The following FHL1 variants were observed in gnomAD, a reference collection of about 807,000 sequenced individuals.
The protein encoded by FHL1 is four and a half LIM domains 1.
Under a neutral mutation model 20.3 loss-of-function variants are expected in FHL1, and 1 was observed. That is an observed-to-expected ratio of 0.05 (90% CI 0.02 to 0.23). The LOEUF is 0.23. FHL1 is among the 10% of genes least tolerant of loss of function. The pLI is 1.00. For synonymous variants in FHL1, 82 were observed against 88.9 expected (o/e 0.92, Z 0.44); for missense variants, 177 against 234.0 (o/e 0.76, Z 1.59).
At chrX:136,192,693 C>T (rs2073456262), upstream of FHL1, among the ~76,000 whole-genome samples, 1 of 111,932 alleles carries the variant, frequency 8.9e-6, no homozygotes, top group Admixed American at 9.5e-5. Context: ...CCAAATCCCC[C>T]CTCTTGGGGT....
At chrX:136,164,262 A>G (rs2072651824) in intron 1 of FHL1, among the ~76,000 whole-genome samples, 1 of 106,892 alleles carries the variant, frequency 9.4e-6, no homozygotes, top group African/African-American at 3.4e-5. Context: ...GTTGGAGTAC[A>G]GTGGTGCAAT....
At chrX:136,149,154 C>G (rs772114141) in intron 1 of FHL1, among the ~76,000 whole-genome samples, 38 of 112,187 alleles carry the variant, frequency 3.4e-4, no homozygotes, top group African/African-American at 1.2e-3. Context: ...GTGTTCCTTG[C>G]AAATGTGAAC....
intron 2 of FHL1, among the ~76,000 whole-genome samples, chrX:136,176,767 A>G (rs2073013406): frequency 9.0e-6 from 1 of 111,416 alleles, no homozygotes; most frequent in Non-Finnish European, 1.9e-5. Flanking sequence ...CCTTGTCTCT[A>G]TGGTGACTAA....
At chrX:136,164,271 A>G (rs1311087416) in intron 1 of FHL1, among the ~76,000 whole-genome samples, 5 of 107,805 alleles carry the variant, frequency 4.6e-5, no homozygotes, top group African/African-American at 1.0e-4. Context: ...CAGTGGTGCA[A>G]TCTCGGCTCA....
rs1330706255 is a variant in FHL1 at position 136,210,117 on chromosome X, G to A, written c.*92G>A. 2 of 1,101,856 alleles carry A rather than the reference G, an allele frequency of 1.8e-6. No individual in the cohort carries two copies. Among genetic ancestry groups the A allele is most frequent in the South Asian group, 1.8e-5 (1 of 54,272 alleles). The allele number at this position is 1,101,856 out of a possible 1,213,427, so 90.8% of individuals were successfully genotyped here. On this transcript the variant is annotated 3_prime_UTR_variant, in exon 6 of 6. Coordinates refer to ENST00000370683, the MANE Select transcript of FHL1 (RefSeq NM_001159699.2). The stretch of plus-strand genomic sequence containing the variant: ...CCTATACCATCAATAGGGGAAGAGT[G>A]GTCCTTCCCTTCTTTAAAGTTCTCC...
In FHL1 at chrX:136,207,802, C is replaced by T. The variant is rs890333432; in HGVS notation, c.390C>T (p.Asn130=). 11 of 1,209,997 alleles carry T rather than the reference C, an allele frequency of 9.1e-6. No individual in the cohort carries two copies. Among genetic ancestry groups the T allele is most frequent in the South Asian group, 3.5e-5 (2 of 56,811 alleles). The change falls in exon 4 of 6, where the codon AAC becomes AAT. Residue 130 remains asparagine, a synonymous_variant. Coordinates refer to ENST00000370683, the MANE Select transcript of FHL1 (RefSeq NM_001159699.2). ...CFKAIVAGDQ[N]VEYKGTVWHK... ...TGCTTCCCTCTGCAGGAGATCAAAACGTGGAGTACAAGGGGACCGTCTGGC... is the reference window on the plus strand; with the variant it reads ...TGCTTCCCTCTGCAGGAGATCAAAATGTGGAGTACAAGGGGACCGTCTGGC...
chrX:136,183,358 G>T (rs1273355901), intron 2 of FHL1, among the ~76,000 whole-genome samples: 1 of 111,401 alleles, frequency 9.0e-6, no homozygotes, highest in Non-Finnish European at 1.9e-5. Context: ...GGTCTTGGAA[G>T]AAACCATTAG....
At chrX:136,177,136 CA>C (rs1386495003) in intron 2 of FHL1, among the ~76,000 whole-genome samples, 2 of 111,228 alleles carry the variant, frequency 1.8e-5, no homozygotes, top group Non-Finnish European at 3.8e-5. Flanking sequence ...AACCTTTTGT[CA>C]GAATACCAAA....
intron 1 of FHL1, chrX:136,206,188 C>T (rs1603270245): frequency 1.5e-5 from 7 of 462,870 alleles, no homozygotes; most frequent in Admixed American, 3.3e-5. Context: ...CACTAGCCAT[C>T]GGCCATCTGG....
At position 136,211,070 on chromosome X, in the gene FHL1, A is replaced by G. The variant is rs1375868198; in HGVS notation, c.*1045A>G. 2.1e-5 allele frequency: 8 copies of G among 375,021 alleles called. No homozygotes were observed. In the Admixed American group the frequency reaches 2.4e-4, roughly 11 times the overall value. The allele number at this position is 375,021 out of a possible 1,213,427, so 30.9% of individuals were successfully genotyped here. On this transcript the variant is annotated 3_prime_UTR_variant, in exon 6 of 6. Transcript: ENST00000370683. ...TTGTCCATGTGTTAATGAGGACTGC[A>G]AAGTCCCTTCTGTTGTGATTCCTAG...
intron 2 of FHL1, among the ~76,000 whole-genome samples, chrX:136,188,237 A>T (rs1360949695): frequency 8.9e-6 from 1 of 112,138 alleles, no homozygotes; most frequent in African/African-American, 3.2e-5. Context: ...TTTGGGTAAA[A>T]TAACTAAAGA....
chrX:136,180,827 T>C (rs1481663341), intron 2 of FHL1, among the ~76,000 whole-genome samples: 3 of 111,297 alleles, frequency 2.7e-5, no homozygotes, highest in African/African-American at 9.8e-5. Context: ...CTGCAACCTC[T>C]GTCTCCCAGG....
intron 2 of FHL1, among the ~76,000 whole-genome samples, chrX:136,190,765 G>T (rs1021022137): frequency 8.9e-6 from 1 of 111,738 alleles, no homozygotes; most frequent in Non-Finnish European, 1.9e-5. Flanking sequence ...TTGCTAATAC[G>T]GTACAAGGAA....
At chrX:136,177,445 C>T (rs1057238914) in intron 2 of FHL1, among the ~76,000 whole-genome samples, 1 of 111,858 alleles carries the variant, frequency 8.9e-6, no homozygotes, top group African/African-American at 3.2e-5. Flanking sequence ...TCTTGGACTT[C>T]AGTTGGTTCA....
At chrX:136,169,480 C>A (rs1424124953), upstream of FHL1, 1 of 218,178 alleles carries the variant, frequency 4.6e-6, no homozygotes, top group Non-Finnish European at 8.2e-6. Flanking sequence ...CAGAGCCCTC[C>A]TGTGGCAAAA....
At chrX:136,154,514 G>A (rs2072357390) in intron 1 of FHL1, among the ~76,000 whole-genome samples, 1 of 111,982 alleles carries the variant, frequency 8.9e-6, no homozygotes, top group African/African-American at 3.2e-5. Context: ...CTGGAAGATC[G>A]CAATTAGGGC....
intron 1 of FHL1, among the ~76,000 whole-genome samples, chrX:136,205,236 G>A (rs1008208826): frequency 8.9e-6 from 1 of 111,810 alleles, no homozygotes; most frequent in Non-Finnish European, 1.9e-5. Context: ...GAGCTGCAGA[G>A]TGCCTTAGTA....
chrX:136,184,011 G>A (rs1022352638), intron 2 of FHL1, among the ~76,000 whole-genome samples: 1 of 111,926 alleles, frequency 8.9e-6, no homozygotes, highest in Non-Finnish European at 1.9e-5. Context: ...GAAAGTATTT[G>A]TATGCTGAAT....
chrX:136,184,776 G>A (rs1247418603), intron 2 of FHL1, among the ~76,000 whole-genome samples: 2 of 111,616 alleles, frequency 1.8e-5, no homozygotes, highest in Non-Finnish European at 3.8e-5. Flanking sequence ...TGGGTACAAA[G>A]CCTGATTTAT....
Sources: gnomAD v4.1 joint callset for allele counts (sites outside exome capture counted in the v4.1 genomes callset) on GRCh38, gnomAD v4.1.1 for gene constraint, MANE v1.5 for transcripts, NCBI Gene and HGNC (gene_info 2026-07-23, HGNC 2026-07-21) for gene names.